The following MYOM2 variants were observed in gnomAD, a reference collection of about 807,000 sequenced individuals.
MYOM2 encodes myomesin 2, also known as myomesin-2.
In MYOM2, 254 loss-of-function variants were observed where a neutral mutation model predicts 187.6. The observed-to-expected ratio is 1.35, with a 90% CI of 1.22 to 1.50. The LOEUF is 1.50. MYOM2 is among the 40% of genes most tolerant of loss of function. The pLI is 0.00. For missense variants in MYOM2, 2,796 were observed against 1,924.0 expected (o/e 1.45, Z -8.48); for synonymous variants, 981 against 753.8 (o/e 1.30, Z -4.94).
chr8:2,102,326 T>A (rs1404029577), intron 20 of MYOM2: 1 of 214,222 alleles, frequency 4.7e-6, no homozygotes, highest in African/African-American at 2.3e-5. Flanking sequence ...CAGTTAAATA[T>A]CACACTTAAA....
intron 27 of MYOM2, among the ~76,000 whole-genome samples, 192 bp downstream of exon 27, chr8:2,116,467 G>A (rs1043937782): frequency 1.3e-5 from 2 of 152,176 alleles, no homozygotes; most frequent in African/African-American, 4.8e-5. Flanking sequence ...AGGAAAGCGT[G>A]CCTCTAGCTT....
chr8:2,072,430 G>A lies in MYOM2; in HGVS notation c.879G>A (p.Glu293=). 1 of 1,614,206 alleles carries A rather than the reference G, an allele frequency of 6.2e-7. No individual in the cohort carries two copies. Among genetic ancestry groups the A allele is most frequent in the Non-Finnish European group, 8.5e-7 (1 of 1,180,048 alleles). The change falls in exon 9 of 37, where the codon GAG becomes GAA. Residue 293 remains glutamate (E), a synonymous_variant. Transcript: ENST00000262113. ...KFGVTFRREG[E]TVTLKCTMLV... ...GGGTCACCTTCAGGAGGGAAGGCGAGACGGTCACTCTCAAGTGCACCATGC... is the reference window on the plus strand; with the variant it reads ...GGGTCACCTTCAGGAGGGAAGGCGAAACGGTCACTCTCAAGTGCACCATGC...
In MYOM2 at chr8:2,141,152, G is replaced by A. The variant is rs533067169; in HGVS notation, c.3976G>A (p.Ala1326Thr). 3.1e-6 allele frequency: 5 copies of A among 1,611,886 alleles called. No homozygotes were observed. The highest frequency in any genetic ancestry group is 4.2e-6 in the Non-Finnish European group (5 of 1,178,396). ...LDLSGQAFDE[A>T]FAEFQQFKAA... Reference sequence around the variant, plus strand: ...CTATTTCCTCACAGCTTTTGATGAAGCATTTGCAGAATTCCAGCAATTCAA... The same window carrying A: ...CTATTTCCTCACAGCTTTTGATGAAACATTTGCAGAATTCCAGCAATTCAA... The change falls in exon 34 of 37, where the codon GCA becomes ACA. Residue 1326 changes from alanine (A) to threonine (T), a missense_variant. Transcript: ENST00000262113.
rs1563055819 is a variant in MYOM2, at chr8:2,100,960, G to A, written c.2525G>A (p.Ser842Asn). 2 of 1,614,206 alleles carry A rather than the reference G, an allele frequency of 1.2e-6. No individual in the cohort carries two copies. The highest frequency in any genetic ancestry group is 1.7e-6 in the Non-Finnish European group (2 of 1,180,036). Reference sequence around the variant, plus strand: ...AAGGCCCCTGTGTACTCCGGCAGCAGCCCTGTTTCTGGATATTTCGTGGAC... The same window carrying A: ...AAGGCCCCTGTGTACTCCGGCAGCAACCCTGTTTCTGGATATTTCGTGGAC... ...LWKAPVYSGS[S>N]PVSGYFVDFR... The change falls in exon 20 of 37, where the codon AGC (serine) becomes AAC (asparagine). Residue 842 changes from serine to asparagine, a missense_variant. Coordinates refer to ENST00000262113, the MANE Select transcript of MYOM2 (RefSeq NM_003970.4).
chr8:2,088,956 C>A (rs1020158), intron 14 of MYOM2, among the ~76,000 whole-genome samples: 27 of 152,208 alleles, frequency 1.8e-4, no homozygotes, highest in Non-Finnish European at 2.4e-4. Context: ...CTGGACTGCG[C>A]TCGCTTGGGG....
Position 2,106,368 on chromosome 8 carries a change from A to G in MYOM2, c.2861A>G (p.Glu954Gly), listed in dbSNP as rs200355577. ...TCCTACGAGGAGATTTCAGATGATGAGAGGTTTAAAATTGAAACCGTGGGG... is the reference window on the plus strand; with the variant it reads ...TCCTACGAGGAGATTTCAGATGATGGGAGGTTTAAAATTGAAACCGTGGGG... ...CKSYEEISDD[E>G]RFKIETVGDH... The change falls in exon 22 of 37, where the codon GAG becomes GGG. Residue 954 changes from glutamate to glycine, a missense_variant. Physicochemically the swap from Glu to Gly is moderately conservative, Grantham distance 98 (BLOSUM62 -2). Transcript: ENST00000262113. The G allele has an allele frequency of 1.0e-3, 1,667 of 1,614,182 alleles. 26 individuals are homozygous for G. The South Asian group carries it at 0.017, about 16-fold the overall frequency.
At chr8:2,103,156 T>G in intron 21 of MYOM2, among the ~76,000 whole-genome samples, 1 of 138,136 alleles carries the variant, frequency 7.2e-6, no homozygotes, top group African/African-American at 2.8e-5. Context: ...GAATGGGAGA[T>G]TGCGCATGTA....
chr8:2,072,349 C>G lies in MYOM2; in HGVS notation c.798C>G (p.Pro266=). ...GCCTCCATCGTTTCTGTGCAGTGCC[C>G]CTGTCATCGATGATTCCGTACACGC... ...FRSVGLPIGL[P]LSSMIPYTHF... The change falls in exon 9 of 37, where the codon CCC becomes CCG. Residue 266 remains proline (P), a synonymous_variant. Transcript: ENST00000262113. 1 of 1,613,872 alleles carries G rather than the reference C, an allele frequency of 6.2e-7. No individual in the cohort carries two copies. Among genetic ancestry groups the G allele is most frequent in the Non-Finnish European group, 8.5e-7 (1 of 1,179,944 alleles).
chr8:2,120,390 G>T (rs1797384092), intron 28 of MYOM2, among the ~76,000 whole-genome samples: 1 of 151,698 alleles, frequency 6.6e-6, no homozygotes, highest in Non-Finnish European at 1.5e-5. Flanking sequence ...ACTGGGGTGT[G>T]AGCTTGTTGA....
intron 32 of MYOM2, among the ~76,000 whole-genome samples, chr8:2,129,724 G>A (rs1797786044): frequency 6.6e-6 from 1 of 152,120 alleles, no homozygotes. Context: ...GGGTCGGTAC[G>A]GATCACTGAG....
chr8:2,098,939 C>T lies in MYOM2; in HGVS notation c.2396C>T (p.Pro799Leu). ...GCCGGCATCGGGGAGCCCTCAGATC[C>T]CAGTGAGCACTTCAAGTGTGAGGCC... ...NLAGIGEPSDPSEHFKCEAWT... is the reference protein window; with the variant it reads ...NLAGIGEPSDLSEHFKCEAWT... The change falls in exon 19 of 37, where the codon CCC becomes CTC. Residue 799 changes from proline to leucine, a missense_variant. Physicochemically the swap from Pro to Leu is moderately conservative, Grantham distance 98 (BLOSUM62 -3). Transcript: ENST00000262113. 6.2e-7 allele frequency: 1 copy of T among 1,613,586 alleles called. No homozygotes were observed. The highest frequency in any genetic ancestry group is 8.5e-7 in the Non-Finnish European group (1 of 1,179,854).
intron 25 of MYOM2, among the ~76,000 whole-genome samples, chr8:2,112,926 C>G (rs988002966): frequency 6.6e-6 from 1 of 152,220 alleles, no homozygotes. Context: ...CTACGCCTGC[C>G]TCATTTGCCG....
intron 25 of MYOM2, among the ~76,000 whole-genome samples, 187 bp downstream of exon 25, chr8:2,109,718 G>C (rs1057372257): frequency 6.6e-6 from 1 of 152,168 alleles, no homozygotes; most frequent in African/African-American, 2.4e-5. Context: ...GTTTGGTCTG[G>C]GTTACAGGAG....
intron 6 of MYOM2, among the ~76,000 whole-genome samples, chr8:2,066,590 A>C (rs1490825423): frequency 1.3e-5 from 2 of 152,182 alleles, no homozygotes; most frequent in Non-Finnish European, 2.9e-5. Flanking sequence ...CAAACAAACA[A>C]AATGCAGCAA....
Position 2,123,225 on chromosome 8 carries a change from A to G in MYOM2, c.3454-27A>G, listed in dbSNP as rs747898976. On this transcript the variant is annotated intron_variant, in intron 28 of 36. Coordinates refer to ENST00000262113, the MANE Select transcript of MYOM2 (RefSeq NM_003970.4). ...TCTCATGAGTCAGAATGATTTACAC[A>G]CTAAACTTAAGCTTTCTACCTCACA... 5.5e-6 allele frequency: 8 copies of G among 1,461,488 alleles called. No individual in the cohort carries two copies. The Middle Eastern group carries it at 8.8e-4, about 161-fold the overall frequency. 90.5% of individuals were successfully genotyped at this position (1,461,488 alleles called of 1,614,324 possible).
chr8:2,098,760 T>C, intron 18 of MYOM2, 97 bp from the exon 19 acceptor site: 2 of 1,316,340 alleles, frequency 1.5e-6, no homozygotes, highest in Non-Finnish European at 2.1e-6. Flanking sequence ...CTTCCTCTCA[T>C]ATTTTATTTC....
chr8:2,045,770 C>G (rs1818292051), intron 1 of MYOM2, among the ~76,000 whole-genome samples: 1 of 152,202 alleles, frequency 6.6e-6, no homozygotes, highest in African/African-American at 2.4e-5. Flanking sequence ...ACTTCTTCAG[C>G]TCCACTCCGC....
chr8:2,047,684 T>C (rs1298299395), intron 1 of MYOM2, among the ~76,000 whole-genome samples: 1 of 152,198 alleles, frequency 6.6e-6, no homozygotes, highest in Non-Finnish European at 1.5e-5. Context: ...AGGGAATACA[T>C]GTGGGGATAA....
chr8:2,142,630 C>A (rs1798312107), intron 35 of MYOM2, among the ~76,000 whole-genome samples: 1 of 152,060 alleles, frequency 6.6e-6, no homozygotes, highest in East Asian at 1.9e-4. Flanking sequence ...TCCCTCCCTC[C>A]TCCCTTGCAG....
Sources: gnomAD v4.1 joint callset for allele counts (sites outside exome capture counted in the v4.1 genomes callset) on GRCh38, gnomAD v4.1.1 for gene constraint, MANE v1.5 for transcripts, NCBI Gene and HGNC (gene_info 2026-07-23, HGNC 2026-07-21) for gene names.